Variants in GAREM1 observed in about 807,000 individuals in gnomAD.
The protein encoded by GAREM1 is GRB2-associated and regulator of MAPK protein 1.
GAREM1 carries 26 observed loss-of-function variants against 71.3 expected under a neutral mutation model. The observed-to-expected ratio is 0.36, with a 90% CI of 0.27 to 0.51. GAREM1 has a LOEUF of 0.51. Among genes scored for constraint, GAREM1 ranks in the 20% least tolerant of loss-of-function variants. The pLI, the probability that GAREM1 is intolerant of heterozygous loss-of-function variation, is 0.95. For synonymous variants in GAREM1, 440 were observed against 433.2 expected (o/e 1.02, Z -0.20); for missense variants, 1,026 against 1,103.1 (o/e 0.93, Z 0.99).
At chr18:32,425,905 A>G (rs2048569971) in intron 1 of GAREM1, among the ~76,000 whole-genome samples, 1 of 152,208 alleles carries the variant, frequency 6.6e-6, no homozygotes, top group Admixed American at 6.5e-5. Context: ...TCTTCAAATT[A>G]AAGATTCACA....
At chr18:32,459,457 A>T (rs916928456) in intron 1 of GAREM1, among the ~76,000 whole-genome samples, 12 of 152,096 alleles carry the variant, frequency 7.9e-5, no homozygotes, top group African/African-American at 2.7e-4. Flanking sequence ...AACTGGCCAA[A>T]GACAGGACCA....
At chr18:32,378,571 C>T (rs1599003564) in intron 2 of GAREM1, among the ~76,000 whole-genome samples, 1 of 151,692 alleles carries the variant, frequency 6.6e-6, no homozygotes, top group African/African-American at 2.4e-5. Context: ...ACATAGAAGA[C>T]CTTTCTGCAT....
chr18:32,416,801 A>G (rs2048470392), intron 1 of GAREM1, among the ~76,000 whole-genome samples: 1 of 152,170 alleles, frequency 6.6e-6, no homozygotes, highest in Non-Finnish European at 1.5e-5. Flanking sequence ...AGTCTCCAGG[A>G]CACTGGACTG....
intron 1 of GAREM1, among the ~76,000 whole-genome samples, chr18:32,434,093 T>C (rs2048652004): frequency 6.6e-6 from 1 of 152,064 alleles, no homozygotes; most frequent in Admixed American, 6.6e-5. Flanking sequence ...CACAACAGAA[T>C]AGAGAATCCA....
intron 2 of GAREM1, among the ~76,000 whole-genome samples, chr18:32,337,557 AAAG>A (rs770893391): frequency 6.6e-6 from 1 of 152,198 alleles, no homozygotes; most frequent in Non-Finnish European, 1.5e-5. Flanking sequence ...TAGTCATAGG[AAAG>A]AAGGACAAGC....
At chr18:32,289,990 T>TG (rs1383016974) in intron 3 of GAREM1, among the ~76,000 whole-genome samples, 36 of 149,508 alleles carry the variant, frequency 2.4e-4, no homozygotes, top group African/African-American at 3.3e-4. Context: ...TAGGTTTTTT[T>TG]TTGTGTGTGT....
chr18:32,319,609 C>T (rs568609920), intron 2 of GAREM1, among the ~76,000 whole-genome samples: 2 of 152,282 alleles, frequency 1.3e-5, no homozygotes, highest in South Asian at 2.1e-4. Context: ...GACTGCCTAA[C>T]GTATGTACAT....
chr18:32,401,076 C>CA (rs752975095), intron 1 of GAREM1, among the ~76,000 whole-genome samples: 13 of 151,534 alleles, frequency 8.6e-5, no homozygotes, highest in Non-Finnish European at 1.8e-4. Context: ...ATAGGAAGGA[C>CA]AAAAAAACAA....
In GAREM1 at chr18:32,264,030, C is replaced by A. The variant is rs933711681; in HGVS notation, c.*3841G>T. 6.6e-6 allele frequency: 1 copy of A among 152,090 alleles called. No individual in the cohort carries two copies. The highest frequency in any genetic ancestry group is 1.5e-5 in the Non-Finnish European group (1 of 67,992). The allele number at this position is 152,090 out of a possible 1,614,324, so 9.4% of individuals were successfully genotyped here. A position where few individuals can be genotyped will look rare whatever the true frequency, so the allele number is the denominator to read the frequency against. The stretch of plus-strand genomic sequence containing the variant: ...CTTGTTTCTGGCTATCACAATGAGA[C>A]AAATTTTAAAACACCAAGTTTTAAA... On this transcript the variant is annotated 3_prime_UTR_variant, in exon 6 of 6. Transcript: ENST00000269209.
chr18:32,341,548 C>T (rs1230673455), intron 2 of GAREM1, among the ~76,000 whole-genome samples: 1 of 152,202 alleles, frequency 6.6e-6, no homozygotes. Flanking sequence ...CTTGAGGAAT[C>T]ATCACACTAT....
chr18:32,291,500 A>ATT (rs552845525), intron 3 of GAREM1, among the ~76,000 whole-genome samples: 1 of 149,958 alleles, frequency 6.7e-6, no homozygotes, highest in African/African-American at 2.4e-5. Context: ...GTCAACAAGA[A>ATT]TTTTTTTTTT....
intron 1 of GAREM1, among the ~76,000 whole-genome samples, chr18:32,414,216 G>C (rs534343154): frequency 1.3e-5 from 2 of 152,172 alleles, no homozygotes; most frequent in African/African-American, 2.4e-5. Flanking sequence ...GATCAGTACA[G>C]CTTGGCTCAA....
At chr18:32,365,025 A>C (rs2144617918) in intron 2 of GAREM1, among the ~76,000 whole-genome samples, 1 of 152,126 alleles carries the variant, frequency 6.6e-6, no homozygotes, top group African/African-American at 2.4e-5. Flanking sequence ...CAAAGCAAAA[A>C]CTCACACCCA....
intron 1 of GAREM1, among the ~76,000 whole-genome samples, chr18:32,466,578 TG>T (rs2049001029): frequency 6.6e-6 from 1 of 152,178 alleles, no homozygotes; most frequent in South Asian, 2.1e-4. Context: ...GTTGTAAGAA[TG>T]CTACTCTAAC....
chr18:32,277,638 C>T (rs1329952264), intron 4 of GAREM1, among the ~76,000 whole-genome samples: 1 of 152,212 alleles, frequency 6.6e-6, no homozygotes, highest in Non-Finnish European at 1.5e-5. Flanking sequence ...TTTCAGAATA[C>T]TGCCCAGGGA....
At chr18:32,381,679 G>A (rs2048099434) in intron 2 of GAREM1, among the ~76,000 whole-genome samples, 1 of 152,160 alleles carries the variant, frequency 6.6e-6, no homozygotes. Context: ...TCACCTGCAG[G>A]GGAGGGAGGA....
At chr18:32,347,037 C>T (rs1213200484) in intron 2 of GAREM1, among the ~76,000 whole-genome samples, 2 of 152,126 alleles carry the variant, frequency 1.3e-5, no homozygotes, top group Non-Finnish European at 2.9e-5. Flanking sequence ...TATAAACTTT[C>T]CCCAAGACAG....
intron 2 of GAREM1, among the ~76,000 whole-genome samples, chr18:32,331,903 G>A (rs1273259261): frequency 1.3e-5 from 2 of 152,000 alleles, no homozygotes; most frequent in African/African-American, 4.8e-5. Flanking sequence ...TGGGTGGGAA[G>A]GACGCACGGC....
intron 2 of GAREM1, among the ~76,000 whole-genome samples, chr18:32,374,415 G>A (rs1046680517): frequency 6.6e-6 from 1 of 152,200 alleles, no homozygotes; most frequent in African/African-American, 2.4e-5. Context: ...TGCTCTCCTT[G>A]TCAGCATGTG....
Sources: allele counts gnomAD v4.1 joint callset (sites outside exome capture counted in the v4.1 genomes callset), GRCh38; gene constraint gnomAD v4.1.1; transcripts MANE v1.5; gene names NCBI Gene and HGNC (gene_info 2026-07-23, HGNC 2026-07-21).